OTOG: variants seen among roughly 807,000 people sequenced by gnomAD.
OTOG encodes the protein otogelin.
Under a neutral mutation model 313.8 loss-of-function variants are expected in OTOG, and 296 were observed. The observed-to-expected ratio is 0.94, with a 90% CI of 0.86 to 1.04. The LOEUF is 1.04. OTOG is among the 50% of genes least tolerant of loss of function. OTOG has a pLI of 0.00. For missense variants in OTOG, 3,948 were observed against 3,840.1 expected (o/e 1.03, Z -0.74); for synonymous variants, 1,533 against 1,554.9 (o/e 0.99, Z 0.33).
Position 17,591,582 on chromosome 11 carries a change from G to T in OTOG, c.3000G>T (p.Leu1000=). Residue 1000 remains leucine, a synonymous_variant, in exon 25 of 56, where the codon CTG becomes CTT. Transcript: ENST00000399397. ...TCGTGGGGGCATGCAAAGTGCACCT[G>T]GTCAAGGTGAGTTCCCGGATGTTTC... The part of the protein sequence containing the change: ...FDFVGACKVH[L]VKSTSDVSFS... The T allele has an allele frequency of 6.4e-7, 1 of 1,550,584 alleles. No individual in the cohort carries two copies. The highest frequency in any genetic ancestry group is 8.7e-7 in the Non-Finnish European group (1 of 1,147,006).
At chr11:17,573,904 T>A (rs1215809943) in intron 19 of OTOG, among the ~76,000 whole-genome samples, 1 of 152,236 alleles carries the variant, frequency 6.6e-6, no homozygotes, top group Non-Finnish European at 1.5e-5. Context: ...AGGGCCCTGA[T>A]TCTCTCTGAG....
rs1019814176 is a variant in OTOG at position 17,613,727 on chromosome 11, C to T, written c.6528+26C>T. The T allele has an allele frequency of 1.6e-5, 25 of 1,538,800 alleles. No homozygotes were observed. In the African/African-American group the frequency reaches 3.4e-4, roughly 21 times the overall value. The stretch of plus-strand genomic sequence containing the variant: ...GTGAGTGCATCAAACAGCCAGCCTC[C>T]AGGGCAGGGCCACAGTCAGCTGAGG... On this transcript the variant is annotated intron_variant, in intron 39 of 55. Coordinates refer to ENST00000399397, the MANE Select transcript of OTOG (RefSeq NM_001292063.2).
chr11:17,621,946 G>A (rs528104061), intron 39 of OTOG, among the ~76,000 whole-genome samples: 36 of 152,270 alleles, frequency 2.4e-4, no homozygotes, highest in Non-Finnish European at 2.5e-4. Flanking sequence ...TAAGTCCTTC[G>A]TTTTTAACCT....
intron 23 of OTOG, among the ~76,000 whole-genome samples, chr11:17,581,738 C>T (rs1227700423): frequency 4.6e-5 from 7 of 152,194 alleles, no homozygotes; most frequent in African/African-American, 1.4e-4. Context: ...ACATTTCTGT[C>T]ACTCAGAAAA....
intron 16 of OTOG, 133 bp downstream of exon 16, chr11:17,569,421 G>T (rs1852359951): frequency 3.9e-6 from 5 of 1,281,592 alleles, no homozygotes; most frequent in Non-Finnish European, 5.3e-6. Flanking sequence ...TCAGGATAGG[G>T]GACACTTTGG....
At chr11:17,628,617 T>A (rs981613675) in intron 39 of OTOG, among the ~76,000 whole-genome samples, 3 of 152,218 alleles carry the variant, frequency 2.0e-5, no homozygotes, top group Non-Finnish European at 4.4e-5. Flanking sequence ...TCAGGCATAG[T>A]ATCTGCCCTT....
intron 22 of OTOG, among the ~76,000 whole-genome samples, chr11:17,577,682 C>A (rs889925376): frequency 2.6e-5 from 4 of 151,970 alleles, no homozygotes; most frequent in Non-Finnish European, 2.9e-5. Flanking sequence ...TTCCTTTGGT[C>A]ACTTCTGGCT....
chr11:17,642,247 G>A lies in OTOG; in HGVS notation c.8415+1G>A, dbSNP rs773423011. 1 of 1,547,624 alleles carries A rather than the reference G, an allele frequency of 6.5e-7. No homozygotes were observed. Among genetic ancestry groups the A allele is most frequent in the African/African-American group, 1.4e-5 (1 of 72,930 alleles). ...GCTCAATGAGACTGAGTGTGCCAAGGTCAGTGCCTCCTTCTCCACTGAGGC... is the reference window on the plus strand; with the variant it reads ...GCTCAATGAGACTGAGTGTGCCAAGATCAGTGCCTCCTTCTCCACTGAGGC... On this transcript the variant is annotated splice_donor_variant, in intron 53 of 55. Coordinates refer to ENST00000399397, the MANE Select transcript of OTOG (RefSeq NM_001292063.2). LOFTEE classifies it high-confidence loss of function.
intron 30 of OTOG, among the ~76,000 whole-genome samples, chr11:17,597,302 A>T (rs1373754594): frequency 6.6e-6 from 1 of 152,240 alleles, no homozygotes; most frequent in Non-Finnish European, 1.5e-5. Context: ...CCGAGCTCAT[A>T]GCCACTTTGT....
chr11:17,563,605 A>G (rs2134014056), intron 15 of OTOG, among the ~76,000 whole-genome samples: 1 of 152,314 alleles, frequency 6.6e-6, no homozygotes, highest in Admixed American at 6.5e-5. Flanking sequence ...GACAAGACAC[A>G]CAGACACAGC....
In OTOG at chr11:17,593,218, T is replaced by C; in HGVS notation, c.3032T>C (p.Val1011Ala). Reference sequence around the variant, plus strand: ...AGCACATCAGATGTCAGCTTCTCTGTGATTGTAGAGAATGTGAACTGCTAC... The same window carrying C: ...AGCACATCAGATGTCAGCTTCTCTGCGATTGTAGAGAATGTGAACTGCTAC... The part of the protein sequence containing the change: ...VKSTSDVSFS[V>A]IVENVNCYSS... Residue 1011 changes from valine (V) to alanine (A), a missense_variant, in exon 26 of 56, where the codon GTG becomes GCG. Transcript: ENST00000399397. The C allele has an allele frequency of 6.5e-7, 1 of 1,550,102 alleles. No homozygotes were observed. The highest frequency in any genetic ancestry group is 1.2e-5 in the South Asian group (1 of 84,030).
intron 15 of OTOG, among the ~76,000 whole-genome samples, chr11:17,565,542 A>G (rs1590003476): frequency 1.3e-5 from 2 of 152,110 alleles, no homozygotes; most frequent in South Asian, 4.2e-4. Flanking sequence ...ACTATGGGCA[A>G]CCCACACTTA....
intron 17 of OTOG, 81 bp from the exon 18 acceptor site, chr11:17,571,999 G>A: frequency 5.9e-6 from 9 of 1,522,638 alleles, no homozygotes; most frequent in Non-Finnish European, 8.0e-6. Context: ...TGAGCAAGTA[G>A]GTGTTACCTG....
At chr11:17,602,877 C>T (rs912026316) in intron 32 of OTOG, among the ~76,000 whole-genome samples, 6 of 152,204 alleles carry the variant, frequency 3.9e-5, no homozygotes, top group Non-Finnish European at 8.8e-5. Flanking sequence ...ACAGTCCCAT[C>T]GAGGAGACAG....
At chr11:17,588,261 G>A (rs545460287) in intron 24 of OTOG, among the ~76,000 whole-genome samples, 8 of 152,100 alleles carry the variant, frequency 5.3e-5, no homozygotes, top group Non-Finnish European at 1.2e-4. Flanking sequence ...ATTTGCCCTC[G>A]AAGGACCTGC....
chr11:17,585,765 A>G (rs941096868), intron 23 of OTOG, among the ~76,000 whole-genome samples: 22 of 152,188 alleles, frequency 1.4e-4, no homozygotes, highest in African/African-American at 5.3e-4. Flanking sequence ...GGAGCAACTA[A>G]CAAGGGACTC....
At chr11:17,619,688 C>T (rs927042583) in intron 39 of OTOG, among the ~76,000 whole-genome samples, 6 of 152,080 alleles carry the variant, frequency 3.9e-5, no homozygotes, top group Admixed American at 3.3e-4. Context: ...TTTCCTTTCA[C>T]CAAGCCTTTG....
intron 39 of OTOG, among the ~76,000 whole-genome samples, chr11:17,617,313 G>T (rs933584580): frequency 5.1e-4 from 77 of 152,110 alleles, no homozygotes; most frequent in African/African-American, 1.6e-3. Context: ...GAGTAATGCT[G>T]GCCTCACATA....
rs561860375 is a variant in OTOG at position 17,612,905 on chromosome 11, G to C, written c.6438+140G>C. 8.3e-6 allele frequency: 9 copies of C among 1,079,840 alleles called. No homozygotes were observed. The African/African-American group carries it at 9.6e-5, about 12-fold the overall frequency. The allele number at this position is 1,079,840 out of a possible 1,614,324, so 66.9% of individuals were successfully genotyped here. A position where few individuals can be genotyped will look rare whatever the true frequency, so the allele number is the denominator to read the frequency against. On this transcript the variant is annotated intron_variant, in intron 38 of 55. Coordinates refer to ENST00000399397, the MANE Select transcript of OTOG (RefSeq NM_001292063.2). Reference sequence around the variant, plus strand: ...TGAGCTCCCTCTGTCTCCAGGAATGGGCAGGGCCTCCCAGGTGATGGCTCC... The same window carrying C: ...TGAGCTCCCTCTGTCTCCAGGAATGCGCAGGGCCTCCCAGGTGATGGCTCC...
Sources: allele counts gnomAD v4.1 joint callset (sites outside exome capture counted in the v4.1 genomes callset), GRCh38; gene constraint gnomAD v4.1.1; transcripts MANE v1.5; gene names NCBI Gene and HGNC (gene_info 2026-07-23, HGNC 2026-07-21).